The following KIZ variants were observed in gnomAD, a reference collection of about 807,000 sequenced individuals.
The protein encoded by KIZ is kizuna centrosomal protein, also known as centrosomal protein kizuna.
Under a neutral mutation model 79.6 loss-of-function variants are expected in KIZ, and 68 were observed. The observed-to-expected ratio is 0.85, with a 90% CI of 0.70 to 1.05. The LOEUF is 1.05. KIZ is among the 50% of genes least tolerant of loss of function. The probability of loss-of-function intolerance (pLI) is 0.00; values close to 1 mark genes in which losing one functional copy is unlikely to be tolerated. For synonymous variants in KIZ, 280 were observed against 281.8 expected (o/e 0.99, Z 0.06); for missense variants, 797 against 800.4 (o/e 1.00, Z 0.05).
chr20:21,246,367 T>C lies in KIZ; in HGVS notation c.1925-112T>C, dbSNP rs140927455. The C allele has an allele frequency of 3.2e-3, 2,230 of 694,168 alleles. 7 individuals are homozygous for C. Among genetic ancestry groups the C allele is most frequent in the Non-Finnish European group, 4.9e-3 (1,907 of 386,350 alleles). The allele number at this position is 694,168 out of a possible 1,614,324, so 43.0% of individuals were successfully genotyped here. A position where few individuals can be genotyped will look rare whatever the true frequency, so the allele number is the denominator to read the frequency against. On this transcript the variant is annotated intron_variant, in intron 12 of 12. Transcript: ENST00000619189. ...GGTACATCATGTGGTGTCCCTGTTA[T>C]GCATTTTGCAGACTGACACTCTGCT...
intron 1 of KIZ, among the ~76,000 whole-genome samples, chr20:21,128,569 C>G (rs976717254): frequency 2.6e-5 from 4 of 152,194 alleles, no homozygotes; most frequent in Non-Finnish European, 5.9e-5. Context: ...GCTGTAGTTA[C>G]ACGTAGATGT....
intron 6 of KIZ, chr20:21,166,494 C>T (rs758359955): frequency 1.1e-4 from 170 of 1,567,526 alleles, no homozygotes; most frequent in Non-Finnish European, 1.4e-4. Flanking sequence ...AGAAACCGGA[C>T]GATGACTTTG....
intron 6 of KIZ, among the ~76,000 whole-genome samples, chr20:21,192,017 G>C (rs542536674): frequency 2.1e-4 from 32 of 152,248 alleles, no homozygotes; most frequent in Admixed American, 7.8e-4. Flanking sequence ...CCGGCGGGGA[G>C]GGGTACACTG....
intron 6 of KIZ, among the ~76,000 whole-genome samples, chr20:21,200,732 C>T (rs892136025): frequency 1.3e-5 from 2 of 152,094 alleles, no homozygotes; most frequent in African/African-American, 2.4e-5. Context: ...TAGCAGACCA[C>T]GTATCAGTAC....
intron 3 of KIZ, among the ~76,000 whole-genome samples, chr20:21,145,307 AT>A (rs1270493174): frequency 6.6e-6 from 1 of 152,026 alleles, no homozygotes; most frequent in East Asian, 1.9e-4. Flanking sequence ...ATATATAAAG[AT>A]TTTATTTCCT....
chr20:21,126,184 C>G lies in KIZ; in HGVS notation c.69C>G (p.Leu23=), dbSNP rs2031450835. 1 of 1,490,566 alleles carries G rather than the reference C, an allele frequency of 6.7e-7. No homozygotes were observed. Among genetic ancestry groups the G allele is most frequent in the Non-Finnish European group, 9.0e-7 (1 of 1,116,558 alleles). The allele number at this position is 1,490,566 out of a possible 1,614,324, so 92.3% of individuals were successfully genotyped here. A position where few individuals can be genotyped will look rare whatever the true frequency, so the allele number is the denominator to read the frequency against. The part of the protein sequence containing the change: ...SPDYYERLGQ[L]QHGLRDSEKK... ...ACTACTACGAGAGGCTGGGCCAACT[C>G]CAGCACGGGCTGCGGGACAGGTAAG... The change falls in exon 1 of 13, where the codon CTC becomes CTG. Residue 23 remains leucine, a synonymous_variant. Coordinates refer to ENST00000619189, the MANE Select transcript of KIZ (RefSeq NM_018474.6).
chr20:21,210,190 C>T (rs1430987893), intron 7 of KIZ, among the ~76,000 whole-genome samples: 1 of 152,032 alleles, frequency 6.6e-6, no homozygotes, highest in African/African-American at 2.4e-5. Flanking sequence ...CACCTGTAAT[C>T]CCAGCTACTT....
chr20:21,149,667 G>A (rs1399894745), intron 4 of KIZ, among the ~76,000 whole-genome samples: 4 of 152,172 alleles, frequency 2.6e-5, no homozygotes, highest in Admixed American at 2.0e-4. Context: ...ATGAGATGAT[G>A]GAAAGGGTTC....
intron 11 of KIZ, among the ~76,000 whole-genome samples, chr20:21,239,654 A>G (rs1361282622): frequency 6.6e-6 from 1 of 152,116 alleles, no homozygotes; most frequent in Non-Finnish European, 1.5e-5. Flanking sequence ...GTGTAGACCA[A>G]TTCTAGCTAC....
chr20:21,184,807 C>T (rs916664877), intron 6 of KIZ, among the ~76,000 whole-genome samples: 8 of 152,004 alleles, frequency 5.3e-5, no homozygotes, highest in East Asian at 1.9e-4. Context: ...TTTGGGAGGC[C>T]GAGGTGGGAG....
chr20:21,142,078 C>T (rs1027669861), intron 3 of KIZ, among the ~76,000 whole-genome samples: 3 of 151,710 alleles, frequency 2.0e-5, no homozygotes, highest in Non-Finnish European at 4.4e-5. Flanking sequence ...CTTTATCTCC[C>T]GCACACGTAC....
chr20:21,244,533 A>C, intron 12 of KIZ: 1 of 526,396 alleles, frequency 1.9e-6, no homozygotes, highest in Non-Finnish European at 3.4e-6. Context: ...ATGAATTTGC[A>C]GGGGATCCTG....
chr20:21,168,987 A>C (rs1396822968), intron 6 of KIZ, among the ~76,000 whole-genome samples: 3 of 152,228 alleles, frequency 2.0e-5, no homozygotes. Flanking sequence ...ACCCTAGAAG[A>C]AAACCTAGGC....
intron 4 of KIZ, among the ~76,000 whole-genome samples, chr20:21,155,812 A>G (rs1216643179): frequency 6.6e-6 from 1 of 152,200 alleles, no homozygotes; most frequent in African/African-American, 2.4e-5. Flanking sequence ...TTTTATAGTC[A>G]TATAAGTTGC....
intron 7 of KIZ, among the ~76,000 whole-genome samples, chr20:21,206,232 T>TA (rs2035823346): frequency 6.6e-6 from 1 of 152,222 alleles, no homozygotes; most frequent in African/African-American, 2.4e-5. Context: ...TCCATTACTG[T>TA]ACACAGATAT....
intron 7 of KIZ, among the ~76,000 whole-genome samples, chr20:21,210,716 G>A (rs1414243090): frequency 6.6e-6 from 1 of 151,832 alleles, no homozygotes; most frequent in African/African-American, 2.4e-5. Flanking sequence ...AGTAATGGAT[G>A]AAAATAACAT....
At chr20:21,240,602 G>C (rs552476876) in intron 11 of KIZ, among the ~76,000 whole-genome samples, 7 of 152,366 alleles carry the variant, frequency 4.6e-5, no homozygotes, top group South Asian at 4.1e-4. Flanking sequence ...GAGCCATGGT[G>C]CGGGGGAAAG....
Position 21,229,106 on chromosome 20 carries a change from C to T in KIZ, c.1774C>T (p.His592Tyr), listed in dbSNP as rs368916101. ...TCAAAAGACAGATGCTTCTGTGTCACACTTGTCAGGTAAGTAAGAGCAGAT... is the reference window on the plus strand; with the variant it reads ...TCAAAAGACAGATGCTTCTGTGTCATACTTGTCAGGTAAGTAAGAGCAGAT... ...RFQKTDASVSHLSGLNIGSGA... is the reference protein window; with the variant it reads ...RFQKTDASVSYLSGLNIGSGA... The change falls in exon 10 of 13, where the codon CAC (histidine) becomes TAC (tyrosine). Residue 592 changes from histidine (H) to tyrosine (Y), a missense_variant. Physicochemically the swap from His to Tyr is moderately conservative, Grantham distance 83. Coordinates refer to ENST00000619189, the MANE Select transcript of KIZ (RefSeq NM_018474.6). 12 of 1,599,058 alleles carry T rather than the reference C, an allele frequency of 7.5e-6. 1 individual carries two copies. The highest frequency in any genetic ancestry group is 3.3e-5 in the Admixed American group (2 of 59,752).
chr20:21,185,612 T>C (rs962112120), intron 6 of KIZ, among the ~76,000 whole-genome samples: 1 of 151,670 alleles, frequency 6.6e-6, no homozygotes, highest in African/African-American at 2.4e-5. Flanking sequence ...GTTTTACCAT[T>C]GTTGCCCAAC....
Sources: gnomAD v4.1 joint callset for allele counts (sites outside exome capture counted in the v4.1 genomes callset) on GRCh38, gnomAD v4.1.1 for gene constraint, MANE v1.5 for transcripts, NCBI Gene and HGNC (gene_info 2026-07-23, HGNC 2026-07-21) for gene names.